SF3A3: variants seen among roughly 807,000 people sequenced by gnomAD.
The protein encoded by SF3A3 is splicing factor 3a subunit 3, also known as SAP 61.
A neutral mutation model predicts 85.8 loss-of-function variants in SF3A3; 9 were observed. The ratio of observed to expected loss-of-function variants is 0.10; its 90% CI spans 0.06 to 0.18. The LOEUF (loss-of-function observed/expected upper bound fraction) is 0.18, where lower values mean the gene tolerates loss of function less well. SF3A3 is among the 10% of genes least tolerant of loss of function. SF3A3 has a pLI of 1.00. For missense variants in SF3A3, 306 were observed against 593.3 expected, an observed-to-expected ratio of 0.52 and a Z score of 5.03; for synonymous variants, 195 against 204.4, an observed-to-expected ratio of 0.95 and a Z score of 0.39.
At position 37,968,036 on chromosome 1, in the gene SF3A3, T is replaced by C; in HGVS notation, c.1372+8A>G. The C allele has an allele frequency of 6.3e-7, 1 of 1,589,246 alleles. No homozygotes were observed. The highest frequency in any genetic ancestry group is 8.6e-7 in the Non-Finnish European group (1 of 1,157,296). On this transcript the variant is annotated splice_region_variant and intron_variant, in intron 15 of 16. Coordinates refer to ENST00000373019, the MANE Select transcript of SF3A3 (RefSeq NM_006802.4). ...TCGCCTAGGAGACAGTAAATAAATC[T>C]TACTTACAGGAGACAGCATCTTCAA...
intron 2 of SF3A3, 42 bp from the exon 3 acceptor site, chr1:37,987,878 A>G: frequency 1.3e-6 from 2 of 1,520,872 alleles, no homozygotes; most frequent in Non-Finnish European, 9.1e-7. Context: ...TGCAATTTGC[A>G]CAACTGTAGA....
intron 10 of SF3A3, 30 bp from the exon 11 acceptor site, chr1:37,978,857 G>A: frequency 6.4e-7 from 1 of 1,569,610 alleles, no homozygotes; most frequent in Non-Finnish European, 8.7e-7. Context: ...AAGGATTTTA[G>A]GGTTACTTTA....
At chr1:37,988,860 TGTGTG>T (rs1646473183) in intron 2 of SF3A3, among the ~76,000 whole-genome samples, 3 of 147,186 alleles carry the variant, frequency 2.0e-5, no homozygotes, top group Non-Finnish European at 4.5e-5. Flanking sequence ...GGGTGTGTTG[TGTGTG>T]TGTGTGTGTG....
intron 16 of SF3A3, among the ~76,000 whole-genome samples, 158 bp from the exon 17 acceptor site, chr1:37,958,421 A>G (rs192424853): frequency 6.6e-6 from 1 of 152,364 alleles, no homozygotes; most frequent in East Asian, 1.9e-4. Context: ...GGGGTTCCAC[A>G]AGAGAATTAA....
chr1:37,972,346 G>A (rs1646350133), intron 12 of SF3A3, among the ~76,000 whole-genome samples: 1 of 152,024 alleles, frequency 6.6e-6, no homozygotes, highest in South Asian at 2.1e-4. Flanking sequence ...ACTGCTCAAC[G>A]AAATGAAAGA....
At chr1:37,961,570 GTGGA>G (rs1449306987) in intron 15 of SF3A3, among the ~76,000 whole-genome samples, 36 of 151,200 alleles carry the variant, frequency 2.4e-4, no homozygotes. Flanking sequence ...GGCAACAAGA[GTGGA>G]ACTCCGTCTC....
Position 37,958,271 on chromosome 1 carries a change from G to A in SF3A3, c.1429-8C>T, listed in dbSNP as rs1330975607. On this transcript the variant is annotated splice_region_variant and splice_polypyrimidine_tract_variant and intron_variant, in intron 16 of 16. Transcript: ENST00000373019. ...TGAGTCTTCATATTCTTCCTGAAAA[G>A]GAAGGGGTACACTTTGTTAGACAGC... 6.3e-7 allele frequency: 1 copy of A among 1,598,668 alleles called. No homozygotes were observed. Among genetic ancestry groups the A allele is most frequent in the African/African-American group, 1.3e-5 (1 of 74,624 alleles).
At chr1:37,984,657 A>C in intron 5 of SF3A3, 50 bp downstream of exon 5, 1 of 1,204,954 alleles carries the variant, frequency 8.3e-7, no homozygotes, top group Non-Finnish European at 1.2e-6. Context: ...CTGAGCTGTC[A>C]TTAACCTGTA....
chr1:37,973,012 C>A (rs1646353981), intron 12 of SF3A3, among the ~76,000 whole-genome samples: 1 of 152,022 alleles, frequency 6.6e-6, no homozygotes, highest in Non-Finnish European at 1.5e-5. Flanking sequence ...GAAACCCTGT[C>A]TCACTAAATA....
rs1353788945 is a variant in SF3A3, at chr1:37,989,591, C to A, written c.101G>T (p.Arg34Leu). ...KEMLTKKSTL[R>L]DQINSDHRTR... ...GCGGTGATCAGAATTGATCTGGTCC[C>A]GGAGCTGAAAAAACAAACGGTGACA... Residue 34 changes from arginine (R) to leucine (L), a missense_variant, in exon 2 of 17, where the codon CGG becomes CTG. This residue lies in a region of SF3A3 where 152 missense variants were observed against 192.0 expected (regional missense o/e 0.79). Transcript: ENST00000373019. The A allele has an allele frequency of 6.2e-7, 1 of 1,613,748 alleles. No homozygotes were observed. The highest frequency in any genetic ancestry group is 8.5e-7 in the Non-Finnish European group (1 of 1,179,938).
chr1:37,987,179 A>C (rs1372856128), intron 4 of SF3A3, among the ~76,000 whole-genome samples: 1 of 152,158 alleles, frequency 6.6e-6, no homozygotes, highest in Non-Finnish European at 1.5e-5. Flanking sequence ...CCCAGGTTCA[A>C]GTGATTCTCT....
chr1:37,978,957 CGATAGTTTTG>C, intron 10 of SF3A3, 21 bp downstream of exon 10: 1 of 1,592,430 alleles, frequency 6.3e-7, no homozygotes, highest in Non-Finnish European at 8.6e-7. Context: ...CACAGTAAAT[CGATAGTTTTG>C]ATAGAAAAAC....
At chr1:37,979,131 G>T in intron 9 of SF3A3, 76 bp from the exon 10 acceptor site, 1 of 1,212,524 alleles carries the variant, frequency 8.2e-7, no homozygotes, top group Non-Finnish European at 1.2e-6. Context: ...CCAGAGGGTG[G>T]GTGTTCCTGA....
At chr1:37,975,140 CAT>C (rs768197852) in intron 12 of SF3A3, among the ~76,000 whole-genome samples, 3 of 152,156 alleles carry the variant, frequency 2.0e-5, no homozygotes, top group Admixed American at 6.6e-5. Flanking sequence ...CTTATCAGTT[CAT>C]AGTGAGAGCA....
chr1:37,981,913 TA>T, intron 6 of SF3A3, 102 bp from the exon 7 acceptor site: 1 of 719,964 alleles, frequency 1.4e-6, no homozygotes, highest in East Asian at 2.7e-5. Context: ...GAGTGTTTTC[TA>T]AAGAAGTAAC....
At chr1:37,958,399 C>T in intron 16 of SF3A3, 136 bp from the exon 17 acceptor site, 1 of 671,484 alleles carries the variant, frequency 1.5e-6, no homozygotes, top group Non-Finnish European at 2.7e-6. Context: ...TTCATCTAAG[C>T]CTTTCTCAAC....
intron 12 of SF3A3, among the ~76,000 whole-genome samples, chr1:37,975,394 T>C (rs1410176217): frequency 1.3e-5 from 2 of 151,952 alleles, no homozygotes; most frequent in Admixed American, 6.6e-5. Flanking sequence ...CACACACCTG[T>C]AGTCCCAGCT....
At position 37,969,727 on chromosome 1, in the gene SF3A3, T is replaced by C. The variant is rs1646325522; in HGVS notation, c.1014A>G (p.Arg338=). 1 of 1,614,024 alleles carries C rather than the reference T, an allele frequency of 6.2e-7. No individual in the cohort carries two copies. The highest frequency in any genetic ancestry group is 1.1e-5 in the South Asian group (1 of 91,094). The change falls in exon 13 of 17, where the codon CGA becomes CGG. Residue 338 remains arginine (R), a synonymous_variant. Transcript: ENST00000373019. ...GCTGTACATTTTCATGAGTGAGATG[T>C]CGCTGTTCCTAAAGCAGGTCCATAA... ...YEYVEILGEQ[R]HLTHENVQRK...
chr1:37,988,833 A>G (rs1186793501), intron 2 of SF3A3, among the ~76,000 whole-genome samples: 1 of 151,936 alleles, frequency 6.6e-6, no homozygotes, highest in Admixed American at 6.6e-5. Context: ...ATCCTGGGAG[A>G]AAAACACTAA....
Sources: gnomAD v4.1 joint callset for allele counts (sites outside exome capture counted in the v4.1 genomes callset) on GRCh38, gnomAD v4.1.1 for gene constraint, gnomAD v4.1.1 regional missense constraint, MANE v1.5 for transcripts, NCBI Gene and HGNC (gene_info 2026-07-23, HGNC 2026-07-21) for gene names.